The following NETO2 variants were observed in gnomAD, a reference collection of about 807,000 sequenced individuals.
NETO2 encodes neuropilin and tolloid-like protein 2.
NETO2 carries 28 observed loss-of-function variants against 62.5 expected under a neutral mutation model. That is an observed-to-expected ratio of 0.45 (90% CI 0.33 to 0.61). The LOEUF is 0.61. Ranked by LOEUF, NETO2 falls within the 20% of genes least tolerant of loss-of-function variation. The pLI is 0.02. For missense variants in NETO2, 548 were observed against 643.2 expected (o/e 0.85, Z 1.60); for synonymous variants, 214 against 219.1 (o/e 0.98, Z 0.21).
At chr16:47,131,906 C>A in intron 2 of NETO2, 63 bp downstream of exon 2, 1 of 1,365,660 alleles carries the variant, frequency 7.3e-7, no homozygotes, top group Non-Finnish European at 1.0e-6. Context: ...AAGTTGCAAT[C>A]CTTTCAAATA....
intron 7 of NETO2, among the ~76,000 whole-genome samples, chr16:47,100,655 T>A (rs1963520963): frequency 6.6e-6 from 1 of 152,010 alleles, no homozygotes; most frequent in African/African-American, 2.4e-5. Flanking sequence ...GAAATTACCA[T>A]CAGAGAATAC....
chr16:47,109,735 T>G lies in NETO2; in HGVS notation c.655-24A>C, dbSNP rs775842144. 2.7e-6 allele frequency: 4 copies of G among 1,495,038 alleles called. No homozygotes were observed. The South Asian group carries it at 3.4e-5, about 13-fold the overall frequency. The allele number at this position is 1,495,038 out of a possible 1,614,324, so 92.6% of individuals were successfully genotyped here. Reference sequence around the variant, plus strand: ...ATCTGTAATATTAACACAAAAACACTGCTTTTAAAAAGATATATTAATTTG... The same window carrying G: ...ATCTGTAATATTAACACAAAAACACGGCTTTTAAAAAGATATATTAATTTG... On this transcript the variant is annotated intron_variant, in intron 6 of 8. Coordinates refer to ENST00000562435, the MANE Select transcript of NETO2 (RefSeq NM_018092.5).
At chr16:47,138,019 G>A (rs73536876) in intron 1 of NETO2, among the ~76,000 whole-genome samples, 11,474 of 152,178 alleles carry the variant, frequency 0.075, 748 homozygotes, top group African/African-American at 0.17. Flanking sequence ...TGGAGTGCCA[G>A]CTATTCTATC....
intron 6 of NETO2, among the ~76,000 whole-genome samples, chr16:47,115,716 T>TATATATATATATAC (rs1567391585): frequency 2.3e-5 from 3 of 127,680 alleles, no homozygotes; most frequent in African/African-American, 7.6e-5. Context: ...TATATATACA[T>TATATATATATATAC]ATATATATAT....
intron 2 of NETO2, among the ~76,000 whole-genome samples, chr16:47,131,302 A>G (rs978105979): frequency 1.3e-5 from 2 of 152,184 alleles, no homozygotes; most frequent in African/African-American, 4.8e-5. Context: ...TATAAAACTG[A>G]AATAACCAAG....
intron 7 of NETO2, among the ~76,000 whole-genome samples, chr16:47,107,040 C>T (rs1220727595): frequency 6.6e-6 from 1 of 152,168 alleles, no homozygotes; most frequent in Non-Finnish European, 1.5e-5. Context: ...CCTTGGCCTC[C>T]CAAAGTGCTG....
chr16:47,141,920 A>G (rs181010700), intron 1 of NETO2, among the ~76,000 whole-genome samples: 1 of 152,176 alleles, frequency 6.6e-6, no homozygotes, highest in South Asian at 2.1e-4. Flanking sequence ...TCCCTTCACC[A>G]TTGGAGGAGG....
At chr16:47,142,276 A>C (rs1964474955) in intron 1 of NETO2, among the ~76,000 whole-genome samples, 1 of 152,230 alleles carries the variant, frequency 6.6e-6, no homozygotes, top group Admixed American at 6.5e-5. Flanking sequence ...CGGTTTGTGA[A>C]ATATTCATCA....
intron 7 of NETO2, among the ~76,000 whole-genome samples, chr16:47,105,556 CAACA>C (rs958528622): frequency 4.6e-5 from 7 of 151,936 alleles, no homozygotes; most frequent in Non-Finnish European, 1.0e-4. Flanking sequence ...AGTGAAAAGA[CAACA>C]AACAGAGTGC....
rs200709167 is a variant in NETO2 at position 47,083,384 on chromosome 16, T to G, written c.1415A>C (p.Lys472Thr). ...TTTCTTGAAGGTGCTATTAAATGTT[T>G]TCATTGGCTGTGGTTGTGCAAAGTC... Reference protein sequence around the residue: ...RNDFAQPQPMKTFNSTFKKSS... With the variant: ...RNDFAQPQPMTTFNSTFKKSS... The change falls in exon 9 of 9, where the codon AAA (lysine) becomes ACA (threonine). Residue 472 changes from lysine (K) to threonine (T), a missense_variant. Physicochemically the swap from Lys to Thr is moderately conservative, Grantham distance 78. Transcript: ENST00000562435. The G allele has an allele frequency of 6.2e-7, 1 of 1,614,200 alleles. No homozygotes were observed. The highest frequency in any genetic ancestry group is 8.5e-7 in the Non-Finnish European group (1 of 1,180,032).
intron 1 of NETO2, among the ~76,000 whole-genome samples, chr16:47,137,591 T>C (rs1052323873): frequency 2.6e-5 from 4 of 152,192 alleles, no homozygotes; most frequent in African/African-American, 9.7e-5. Context: ...AAATACTTCT[T>C]GTTTCTGAAC....
chr16:47,136,184 T>C (rs1462748054), intron 1 of NETO2, among the ~76,000 whole-genome samples: 1 of 152,120 alleles, frequency 6.6e-6, no homozygotes, highest in African/African-American at 2.4e-5. Flanking sequence ...CAATATATGA[T>C]ATATTTATTG....
Position 47,132,120 on chromosome 16 carries a change from C to T in NETO2, c.35-95G>A, listed in dbSNP as rs568517885. ...AAATTGGATGACAAAAAAAGATTAA[C>T]TAAAATCACTATTTATTACTCAAAA... On this transcript the variant is annotated intron_variant, in intron 1 of 8. Coordinates refer to ENST00000562435, the MANE Select transcript of NETO2 (RefSeq NM_018092.5). The T allele has an allele frequency of 3.3e-6, 3 of 918,600 alleles. No individual in the cohort carries two copies. In the African/African-American group the frequency reaches 5.0e-5, roughly 15 times the overall value. The allele number at this position is 918,600 out of a possible 1,614,324, so 56.9% of individuals were successfully genotyped here.
intron 1 of NETO2, among the ~76,000 whole-genome samples, chr16:47,143,159 C>A (rs1964498835): frequency 6.6e-6 from 1 of 152,134 alleles, no homozygotes. Context: ...TTATTGTTCT[C>A]GTGGAATTAC....
chr16:47,143,375 G>A (rs976802688), intron 1 of NETO2, among the ~76,000 whole-genome samples: 4 of 152,084 alleles, frequency 2.6e-5, no homozygotes, highest in South Asian at 2.1e-4. Context: ...GACTCGCAGG[G>A]GTCGGAAGCG....
chr16:47,092,478 C>T (rs552969410), intron 7 of NETO2, among the ~76,000 whole-genome samples: 4 of 152,202 alleles, frequency 2.6e-5, no homozygotes, highest in East Asian at 1.9e-4. Flanking sequence ...ATCTGGGAGG[C>T]GTTTTTATAA....
At chr16:47,085,155 G>A (rs1330206366) in intron 8 of NETO2, among the ~76,000 whole-genome samples, 1 of 152,120 alleles carries the variant, frequency 6.6e-6, no homozygotes, top group Non-Finnish European at 1.5e-5. Context: ...TACACACTGG[G>A]AATACAGCAT....
At chr16:47,122,064 G>A (rs961589908) in intron 6 of NETO2, among the ~76,000 whole-genome samples, 8 of 151,794 alleles carry the variant, frequency 5.3e-5, no homozygotes, top group Non-Finnish European at 1.2e-4. Flanking sequence ...TACATAATAC[G>A]CATTAAATAT....
intron 1 of NETO2, 97 bp downstream of exon 1, chr16:47,143,482 C>A (rs1049132614): frequency 1.1e-4 from 127 of 1,190,700 alleles, no homozygotes; most frequent in Non-Finnish European, 1.3e-4. Context: ...CGCGTCGGGT[C>A]CCGGGCGCGG....
Sources: gnomAD v4.1 joint callset for allele counts (sites outside exome capture counted in the v4.1 genomes callset) on GRCh38, gnomAD v4.1.1 for gene constraint, MANE v1.5 for transcripts, NCBI Gene and HGNC (gene_info 2026-07-23, HGNC 2026-07-21) for gene names.